PATJ: variants seen among roughly 807,000 people sequenced by gnomAD.
PATJ encodes the protein PATJ crumbs cell polarity complex component.
In PATJ, 190 loss-of-function variants were observed where a neutral mutation model predicts 224.9. The observed-to-expected ratio is 0.84, with a 90% CI of 0.75 to 0.95. PATJ has a LOEUF of 0.95. PATJ is among the 40% of genes least tolerant of loss of function. PATJ has a pLI of 0.00. For synonymous variants in PATJ, 769 were observed against 820.3 expected (o/e 0.94, Z 1.07); for missense variants, 2,121 against 2,270.3 (o/e 0.93, Z 1.34).
intron 4 of PATJ, among the ~76,000 whole-genome samples, chr1:61,766,766 A>G (rs964727182): frequency 1.3e-5 from 2 of 152,162 alleles, no homozygotes; most frequent in Non-Finnish European, 2.9e-5. Flanking sequence ...TTTTTAGACA[A>G]TGACTAATTG....
At chr1:61,871,559 T>TATATATATA (rs1557794110) in intron 20 of PATJ, among the ~76,000 whole-genome samples, 2 of 13,806 alleles carry the variant, frequency 1.4e-4, no homozygotes, top group East Asian at 3.5e-3. Flanking sequence ...ATATATATAT[T>TATATATATA]TTTTTTTTTT....
At chr1:62,157,270 G>A (rs1669322609) in intron 43 of PATJ, among the ~76,000 whole-genome samples, 1 of 151,262 alleles carries the variant, frequency 6.6e-6, no homozygotes, top group Admixed American at 6.7e-5. Context: ...GTTGCAGTGA[G>A]CGGAGATTAC....
chr1:61,955,696 C>T (rs1435261704), intron 27 of PATJ, among the ~76,000 whole-genome samples: 2 of 152,124 alleles, frequency 1.3e-5, no homozygotes, highest in African/African-American at 2.4e-5. Context: ...GTGCTAAATG[C>T]CTTACACACA....
intron 8 of PATJ, 21 bp from the exon 9 acceptor site, chr1:61,791,327 A>G: frequency 7.0e-7 from 1 of 1,423,006 alleles, no homozygotes. Context: ...ATATATAATT[A>G]AATTTGTTTT....
intron 24 of PATJ, among the ~76,000 whole-genome samples, chr1:61,902,190 C>T (rs1489150264): frequency 6.6e-6 from 1 of 150,824 alleles, no homozygotes; most frequent in Non-Finnish European, 1.5e-5. Context: ...TTCCCTCCAG[C>T]CTGGGTGACA....
At chr1:61,839,138 C>T (rs1660681050) in intron 17 of PATJ, among the ~76,000 whole-genome samples, 2 of 152,000 alleles carry the variant, frequency 1.3e-5, no homozygotes, top group Non-Finnish European at 2.9e-5. Flanking sequence ...GCCGACTCCT[C>T]CACCAGGTCT....
intron 30 of PATJ, among the ~76,000 whole-genome samples, chr1:62,047,847 T>G (rs1054060601): frequency 3.3e-5 from 5 of 152,338 alleles, no homozygotes; most frequent in Non-Finnish European, 7.4e-5. Context: ...GAAGAGGATG[T>G]TCTATCTAAT....
rs369693931 is a variant in PATJ at position 61,990,326 on chromosome 1, G to A, written c.3829G>A (p.Ala1277Thr). 10 of 1,613,202 alleles carry A rather than the reference G, an allele frequency of 6.2e-6. No homozygotes were observed. Among genetic ancestry groups the A allele is most frequent in the African/African-American group, 2.7e-5 (2 of 74,994 alleles). The part of the protein sequence containing the change: ...VGINPEGPAA[A>T]DGRMRIGDEL... ...AATTAACCCGGAAGGACCTGCTGCC[G>A]CAGATGGACGAATGCGTATTGGAGA... Residue 1277 changes from alanine (A) to threonine (T), a missense_variant, in exon 28 of 44, where the codon GCA becomes ACA. By Grantham distance (58) the Ala-to-Thr change is moderately conservative. Transcript: ENST00000642238.
chr1:62,054,606 A>G (rs6673501), intron 31 of PATJ, among the ~76,000 whole-genome samples: 9,887 of 152,182 alleles, frequency 0.065, 1,057 homozygotes, highest in African/African-American at 0.23. Flanking sequence ...ATTGTGAGAG[A>G]CTGGAGGCAG....
intron 22 of PATJ, among the ~76,000 whole-genome samples, chr1:61,891,103 G>A (rs1324375195): frequency 6.6e-6 from 1 of 152,026 alleles, no homozygotes; most frequent in African/African-American, 2.4e-5. Flanking sequence ...AGAGGCTGAT[G>A]TCTGGGAGGA....
intron 1 of PATJ, among the ~76,000 whole-genome samples, chr1:61,762,029 T>C (rs1021924020): frequency 5.9e-5 from 9 of 152,184 alleles, no homozygotes; most frequent in Non-Finnish European, 1.3e-4. Flanking sequence ...CTTCTGGGTA[T>C]AGAGAGGACA....
intron 31 of PATJ, among the ~76,000 whole-genome samples, chr1:62,056,713 G>A (rs1008449396): frequency 9.9e-5 from 15 of 152,218 alleles, no homozygotes; most frequent in African/African-American, 3.4e-4. Context: ...CCCCAGGGGC[G>A]GAGGTTGCAG....
In PATJ at chr1:61,884,393, A is replaced by G. The variant is rs1276739636; in HGVS notation, c.3116A>G (p.Tyr1039Cys). 3 of 1,599,148 alleles carry G rather than the reference A, an allele frequency of 1.9e-6. No homozygotes were observed. Among genetic ancestry groups the G allele is most frequent in the East Asian group, 2.3e-5 (1 of 44,332 alleles). ...TACACAGGAATGTTGTCTTCTAGAT[A>G]TGCCACTGATACATGGTATGATATC... ...SAYTGMLSSR[Y>C]ATDTCELPER... is the part of the protein sequence containing the mutation. The change falls in exon 22 of 44, where the codon TAT becomes TGT. Residue 1039 changes from tyrosine to cysteine, a missense_variant. Coordinates refer to ENST00000642238, the MANE Select transcript of PATJ (RefSeq NM_001350145.3).
At chr1:62,052,701 C>T (rs1183205020) in intron 31 of PATJ, among the ~76,000 whole-genome samples, 3 of 151,118 alleles carry the variant, frequency 2.0e-5, no homozygotes, top group Admixed American at 6.6e-5. Flanking sequence ...GCCAAGATCA[C>T]GCCATTGCAC....
At chr1:61,871,513 A>G (rs796882852) in intron 20 of PATJ, among the ~76,000 whole-genome samples, 3 of 72,066 alleles carry the variant, frequency 4.2e-5, no homozygotes, top group East Asian at 1.3e-3. Context: ...ATATATACGC[A>G]TATATATAAA....
At chr1:62,149,568 T>A (rs956282962) in intron 42 of PATJ, among the ~76,000 whole-genome samples, 10 of 150,338 alleles carry the variant, frequency 6.7e-5, no homozygotes, top group Non-Finnish European at 1.0e-4. Context: ...TGACAACACA[T>A]AGAAATATAA....
intron 26 of PATJ, among the ~76,000 whole-genome samples, chr1:61,916,421 A>G (rs936375999): frequency 4.6e-5 from 7 of 152,082 alleles, no homozygotes; most frequent in Non-Finnish European, 1.5e-5. Flanking sequence ...TCTTTGGAAT[A>G]AGGTAATTTT....
At chr1:61,878,637 A>C (rs1187658994) in intron 21 of PATJ, among the ~76,000 whole-genome samples, 1 of 151,654 alleles carries the variant, frequency 6.6e-6, no homozygotes, top group African/African-American at 2.4e-5. Flanking sequence ...TGAGTCCAGG[A>C]GTTCGAGACC....
At chr1:61,991,205 T>C (rs540259538) in intron 28 of PATJ, among the ~76,000 whole-genome samples, 3 of 136,808 alleles carry the variant, frequency 2.2e-5, no homozygotes, top group South Asian at 2.4e-4. Context: ...ATGATGATGA[T>C]GATGATGATG....
Sources: gnomAD v4.1 joint callset for allele counts (sites outside exome capture counted in the v4.1 genomes callset) on GRCh38, gnomAD v4.1.1 for gene constraint, MANE v1.5 for transcripts, NCBI Gene and HGNC (gene_info 2026-07-23, HGNC 2026-07-21) for gene names.